RB1: variants seen among roughly 807,000 people sequenced by gnomAD.
RB1 encodes the protein RB transcriptional corepressor 1, also known as retinoblastoma-associated protein.
Under a neutral mutation model 135.4 loss-of-function variants are expected in RB1, and 18 were observed. The observed-to-expected ratio is 0.13, with a 90% CI of 0.09 to 0.20. The LOEUF is 0.20. Among genes scored for constraint, RB1 ranks in the 10% least tolerant of loss-of-function variants. The probability of loss-of-function intolerance (pLI) is 1.00; values close to 1 mark genes in which losing one functional copy is unlikely to be tolerated. For missense variants in RB1, 868 were observed against 1,110.0 expected, an observed-to-expected ratio of 0.78 and a Z score of 3.10; for synonymous variants, 365 against 373.2, an observed-to-expected ratio of 0.98 and a Z score of 0.25.
In RB1 at chr13:48,477,343, T is replaced by G; in HGVS notation, c.2664-12T>G. On this transcript the variant is annotated splice_polypyrimidine_tract_variant and intron_variant, in intron 25 of 26. Coordinates refer to ENST00000267163, the MANE Select transcript of RB1 (RefSeq NM_000321.3). ...ATACACATGAAATGTTTTGCATTTT[T>G]TTAATCTGCAGTAAACATCTCCCAG... is the stretch of plus-strand genomic sequence containing the variant. 1.2e-6 allele frequency: 2 copies of G among 1,601,018 alleles called. No homozygotes were observed. Among genetic ancestry groups the G allele is most frequent in the Non-Finnish European group, 1.7e-6 (2 of 1,169,084 alleles).
intron 17 of RB1, among the ~76,000 whole-genome samples, chr13:48,440,752 T>C (rs1949228949): frequency 6.6e-6 from 1 of 152,222 alleles, no homozygotes; most frequent in Admixed American, 6.5e-5. Context: ...ACATCTCTTA[T>C]ACTTGCTTAA....
Position 48,372,989 on chromosome 13 carries a change from G to A in RB1, c.1128-416G>A, listed in dbSNP as rs1362228810. 2.6e-5 allele frequency among the ~76,000 whole-genome samples: 4 copies of A among 152,148 alleles called. No individual in the cohort carries two copies. In the East Asian group the frequency reaches 7.7e-4, roughly 29 times the overall value. On this transcript the variant is annotated intron_variant, in intron 11 of 26. Transcript: ENST00000267163. ...GTATCCTTTCTTCTTGAAGGTCTCT[G>A]TAAAGAAAAATCATCTGATTCTTTA...
intron 17 of RB1, among the ~76,000 whole-genome samples, chr13:48,420,746 GACAA>G (rs561949249): frequency 2.6e-4 from 40 of 152,190 alleles, no homozygotes; most frequent in African/African-American, 7.5e-4. Flanking sequence ...AACAATAATA[GACAA>G]ACAGAGAGCC....
chr13:48,475,459 T>C (rs1949498539), intron 24 of RB1, among the ~76,000 whole-genome samples: 2 of 152,208 alleles, frequency 1.3e-5, no homozygotes, highest in Non-Finnish European at 1.5e-5. Context: ...GCCCCTCTAT[T>C]GGTTTCTTGC....
At chr13:48,454,643 T>C (rs1949349068) in intron 18 of RB1, among the ~76,000 whole-genome samples, 1 of 152,092 alleles carries the variant, frequency 6.6e-6, no homozygotes, top group South Asian at 2.1e-4. Context: ...ACAAAGGAAA[T>C]AAACAGAGTG....
chr13:48,406,204 T>G lies in RB1; in HGVS notation c.1695+24761T>G, dbSNP rs191362008. On this transcript the variant is annotated intron_variant, in intron 17 of 26. Transcript: ENST00000267163. Reference sequence around the variant, plus strand: ...AGAATGCTGGGTCAAAGGGTTAATGTGTGTGTGTATGTGTGTGTTAGATAT... The same window carrying G: ...AGAATGCTGGGTCAAAGGGTTAATGGGTGTGTGTATGTGTGTGTTAGATAT... Among the ~76,000 whole-genome samples the G allele has an allele frequency of 2.3e-3, 342 of 148,988 alleles. 7 individuals are homozygous for G. Among genetic ancestry groups the G allele is most frequent in the Admixed American group, 0.021 (320 of 15,114 alleles).
intron 13 of RB1, among the ~76,000 whole-genome samples, chr13:48,379,049 T>G (rs1763729509): frequency 6.6e-6 from 1 of 152,210 alleles, no homozygotes; most frequent in Non-Finnish European, 1.5e-5. Flanking sequence ...TTTGCCTGTG[T>G]CAGTTTTACT....
chr13:48,368,702 C>A, intron 11 of RB1, 98 bp downstream of exon 11: 2 of 1,454,952 alleles, frequency 1.4e-6, no homozygotes, highest in Non-Finnish European at 1.9e-6. Context: ...TTCATACATA[C>A]ATGTAAGAAA....
chr13:48,382,195 G>A (rs894425673), intron 17 of RB1, among the ~76,000 whole-genome samples: 2 of 152,194 alleles, frequency 1.3e-5, no homozygotes, highest in Non-Finnish European at 2.9e-5. Flanking sequence ...CTTTATAGCA[G>A]CATGATTTAT....
intron 2 of RB1, among the ~76,000 whole-genome samples, chr13:48,329,602 A>C (rs1952315858): frequency 6.6e-6 from 1 of 152,180 alleles, no homozygotes; most frequent in South Asian, 2.1e-4. Flanking sequence ...CCAGACCACG[A>C]GACTTAATGG....
intron 2 of RB1, among the ~76,000 whole-genome samples, chr13:48,309,469 G>T (rs1253548634): frequency 6.6e-6 from 1 of 152,138 alleles, no homozygotes; most frequent in Non-Finnish European, 1.5e-5. Flanking sequence ...AAAAAGAGAG[G>T]AATACTGAAG....
chr13:48,349,715 G>A (rs1462946973), intron 6 of RB1, among the ~76,000 whole-genome samples: 1 of 151,874 alleles, frequency 6.6e-6, no homozygotes, highest in African/African-American at 2.4e-5. Flanking sequence ...GAACATAAAT[G>A]GACTAAAGTC....
In RB1 at chr13:48,419,751, T is replaced by C. The variant is rs192969271; in HGVS notation, c.1696-33242T>C. ...AATACAAACTACCATCAGAGAATACTGTAAACATCTCTATGCAAATAATCT... is the reference window on the plus strand; with the variant it reads ...AATACAAACTACCATCAGAGAATACCGTAAACATCTCTATGCAAATAATCT... On this transcript the variant is annotated intron_variant, in intron 17 of 26. Coordinates refer to ENST00000267163, the MANE Select transcript of RB1 (RefSeq NM_000321.3). 3.9e-5 allele frequency among the ~76,000 whole-genome samples: 6 copies of C among 152,316 alleles called. No individual in the cohort carries two copies. The East Asian group carries it at 1.2e-3, about 29-fold the overall frequency.
At chr13:48,366,689 G>A (rs1211562371) in intron 9 of RB1, among the ~76,000 whole-genome samples, 1 of 152,196 alleles carries the variant, frequency 6.6e-6, no homozygotes, top group African/African-American at 2.4e-5. Flanking sequence ...GATAAATTGA[G>A]CTAATTGTCT....
chr13:48,432,909 T>C (rs1949145050), intron 17 of RB1, among the ~76,000 whole-genome samples: 1 of 152,148 alleles, frequency 6.6e-6, no homozygotes, highest in African/African-American at 2.4e-5. Context: ...TGTTTATGAT[T>C]TTCCAGATTT....
intron 13 of RB1, 148 bp from the exon 14 acceptor site, chr13:48,379,446 A>T: frequency 9.8e-7 from 1 of 1,019,760 alleles, no homozygotes. Flanking sequence ...GCCTCTTGGG[A>T]GGCCAAAGCA....
intron 9 of RB1, among the ~76,000 whole-genome samples, chr13:48,366,004 T>C (rs751666033): frequency 1.3e-5 from 2 of 152,206 alleles, no homozygotes; most frequent in African/African-American, 4.8e-5. Flanking sequence ...ATTACAGATA[T>C]AGCATTTCCA....
At chr13:48,343,239 GT>G (rs1952462889) in intron 3 of RB1, among the ~76,000 whole-genome samples, 1 of 152,062 alleles carries the variant, frequency 6.6e-6, no homozygotes, top group Non-Finnish European at 1.5e-5. Context: ...CATAAGAAGA[GT>G]TTATTAATGT....
rs536768391 is a variant in RB1 at position 48,450,645 on chromosome 13, G to A, written c.1696-2348G>A. On this transcript the variant is annotated intron_variant, in intron 17 of 26. Coordinates refer to ENST00000267163, the MANE Select transcript of RB1 (RefSeq NM_000321.3). Reference sequence around the variant, plus strand: ...GCTTAGGATTGTCTTGGATATTTGCGCTCTTTTTTGATTCCATATGAATTT... The same window carrying A: ...GCTTAGGATTGTCTTGGATATTTGCACTCTTTTTTGATTCCATATGAATTT... Among the ~76,000 whole-genome samples, 13 of 152,170 alleles carry A rather than the reference G, an allele frequency of 8.5e-5. No individual in the cohort carries two copies. The East Asian group carries it at 1.7e-3, about 20-fold the overall frequency.
Sources: allele counts gnomAD v4.1 joint callset (sites outside exome capture counted in the v4.1 genomes callset), GRCh38; gene constraint gnomAD v4.1.1; transcripts MANE v1.5; gene names NCBI Gene and HGNC (gene_info 2026-07-23, HGNC 2026-07-21).